The following SMYD3 variants were observed in gnomAD, a reference collection of about 807,000 sequenced individuals.
SMYD3 encodes histone-lysine N-methyltransferase SMYD3.
SMYD3 carries 36 observed loss-of-function variants against 57.7 expected under a neutral mutation model. That is an observed-to-expected ratio of 0.62 (90% CI 0.48 to 0.82). The LOEUF (loss-of-function observed/expected upper bound fraction) is 0.82, where lower values mean the gene tolerates loss of function less well. SMYD3 is among the 40% of genes least tolerant of loss of function. SMYD3 has a pLI of 0.00. For synonymous variants in SMYD3, 211 were observed against 195.0 expected, an observed-to-expected ratio of 1.08 and a Z score of -0.68; for missense variants, 515 against 538.8, an observed-to-expected ratio of 0.96 and a Z score of 0.44.
intron 5 of SMYD3, among the ~76,000 whole-genome samples, chr1:246,313,424 T>C (rs2065110203): frequency 6.6e-6 from 1 of 152,186 alleles, no homozygotes; most frequent in African/African-American, 2.4e-5. Context: ...CTGCAGATGC[T>C]GTATTGGCTG....
chr1:246,098,587 G>A (rs963519585), intron 5 of SMYD3, among the ~76,000 whole-genome samples: 1 of 152,106 alleles, frequency 6.6e-6, no homozygotes, highest in African/African-American at 2.4e-5. Context: ...GTATGAAGAT[G>A]ACAAAATCTT....
intron 5 of SMYD3, among the ~76,000 whole-genome samples, chr1:246,105,968 T>C (rs765028546): frequency 4.6e-5 from 7 of 152,202 alleles, no homozygotes; most frequent in Admixed American, 1.3e-4. Flanking sequence ...TGTAAATTAA[T>C]TGAATGAAAT....
At chr1:246,344,518 G>A (rs749953880) in intron 2 of SMYD3, among the ~76,000 whole-genome samples, 3 of 152,082 alleles carry the variant, frequency 2.0e-5, no homozygotes, top group Admixed American at 6.6e-5. Context: ...TTGTTTCCAG[G>A]TTTGGAACAT....
intron 5 of SMYD3, among the ~76,000 whole-genome samples, chr1:245,962,102 G>A (rs896583949): frequency 6.6e-6 from 1 of 152,144 alleles, no homozygotes; most frequent in Non-Finnish European, 1.5e-5. Context: ...GCCAGCAGCT[G>A]TATTTCATCT....
chr1:246,107,026 A>C (rs539225770), intron 5 of SMYD3, among the ~76,000 whole-genome samples: 1 of 152,056 alleles, frequency 6.6e-6, no homozygotes, highest in Non-Finnish European at 1.5e-5. Flanking sequence ...AAGGCCGGGC[A>C]CGGTGGCTCA....
At chr1:246,489,527 A>G (rs1349083968) in intron 1 of SMYD3, among the ~76,000 whole-genome samples, 2 of 152,166 alleles carry the variant, frequency 1.3e-5, no homozygotes, top group African/African-American at 4.8e-5. Flanking sequence ...ACAACTAAGG[A>G]GAAAGAAAAA....
At chr1:245,968,190 G>A (rs545275931) in intron 5 of SMYD3, among the ~76,000 whole-genome samples, 2 of 151,466 alleles carry the variant, frequency 1.3e-5, no homozygotes, top group South Asian at 4.2e-4. Flanking sequence ...CCACAGATCT[G>A]AGCACTTTAA....
intron 5 of SMYD3, among the ~76,000 whole-genome samples, chr1:246,158,393 T>C (rs936907696): frequency 2.0e-5 from 3 of 152,182 alleles, no homozygotes; most frequent in Non-Finnish European, 4.4e-5. Context: ...TGATGGAGAA[T>C]TTTCTACTGA....
chr1:246,265,306 A>ATTT (rs78360899), intron 5 of SMYD3, among the ~76,000 whole-genome samples: 4,145 of 148,214 alleles, frequency 0.028, 74 homozygotes, highest in Non-Finnish European at 0.033. Context: ...TAATTTTTGT[A>ATTT]TTTTTTTTTT....
At chr1:246,224,989 A>G (rs1442933910) in intron 5 of SMYD3, among the ~76,000 whole-genome samples, 5 of 152,226 alleles carry the variant, frequency 3.3e-5, no homozygotes, top group African/African-American at 1.2e-4. Flanking sequence ...GGATGAAACC[A>G]GTAGATGGCT....
chr1:246,418,666 G>C (rs1396672097), intron 1 of SMYD3, among the ~76,000 whole-genome samples: 1 of 152,140 alleles, frequency 6.6e-6, no homozygotes, highest in Non-Finnish European at 1.5e-5. Context: ...TCAGCAGATG[G>C]GGGAGCCAGA....
intron 1 of SMYD3, among the ~76,000 whole-genome samples, chr1:246,378,846 A>AT (rs1437688736): frequency 8.8e-6 from 1 of 113,040 alleles, no homozygotes; most frequent in African/African-American, 3.5e-5. Flanking sequence ...AATTATATAT[A>AT]ATATATTTAT....
At chr1:246,338,210 T>A (rs561870056) in intron 2 of SMYD3, among the ~76,000 whole-genome samples, 8 of 152,340 alleles carry the variant, frequency 5.3e-5, no homozygotes, top group African/African-American at 1.9e-4. Flanking sequence ...ACATTAACTG[T>A]TAAAATTTAT....
intron 1 of SMYD3, among the ~76,000 whole-genome samples, chr1:246,436,606 G>A (rs2067378670): frequency 6.6e-6 from 1 of 152,112 alleles, no homozygotes; most frequent in Admixed American, 6.5e-5. Context: ...TGATACTTTT[G>A]AAGAGTAATG....
At chr1:245,916,523 T>C (rs2055432951) in intron 7 of SMYD3, among the ~76,000 whole-genome samples, 1 of 152,216 alleles carries the variant, frequency 6.6e-6, no homozygotes, top group Non-Finnish European at 1.5e-5. Context: ...ACTCATCTTT[T>C]GACTTATCCA....
rs560078103 is a variant in SMYD3, at chr1:246,194,496, C to T, written c.531+132705G>A. Among the ~76,000 whole-genome samples the T allele has an allele frequency of 2.1e-4, 32 of 152,110 alleles. 1 individual carries two copies. The highest frequency in any genetic ancestry group is 6.8e-3 in the Middle Eastern group (2 of 294). The stretch of plus-strand genomic sequence containing the variant: ...ATCGGCCAGGCTGGTCTCGAACTCC[C>T]GACCTCGTGTTCCGCCTGCTTAGGC... On this transcript the variant is annotated intron_variant, in intron 5 of 11. Coordinates refer to ENST00000490107, the MANE Select transcript of SMYD3 (RefSeq NM_001167740.2).
At chr1:245,862,565 C>T (rs768701432) in intron 9 of SMYD3, among the ~76,000 whole-genome samples, 1 of 152,082 alleles carries the variant, frequency 6.6e-6, no homozygotes, top group Non-Finnish European at 1.5e-5. Flanking sequence ...ATCTACGTCA[C>T]TTTGGAGATT....
intron 1 of SMYD3, chr1:246,417,215 C>T (rs2067076301): frequency 6.6e-6 from 1 of 152,282 alleles, no homozygotes; most frequent in Non-Finnish European, 1.5e-5. Flanking sequence ...ATTCCCCCAT[C>T]TCCCTGACTG....
chr1:246,154,858 T>C (rs1256620768), intron 5 of SMYD3, among the ~76,000 whole-genome samples: 1 of 151,856 alleles, frequency 6.6e-6, no homozygotes, highest in African/African-American at 2.4e-5. Flanking sequence ...TTTGGCTCAC[T>C]CTAAGCTCCG....
Sources: allele counts gnomAD v4.1 joint callset (sites outside exome capture counted in the v4.1 genomes callset), GRCh38; gene constraint gnomAD v4.1.1; transcripts MANE v1.5; gene names NCBI Gene and HGNC (gene_info 2026-07-23, HGNC 2026-07-21).